The following ARHGAP35 variants were observed in gnomAD, a reference collection of about 807,000 sequenced individuals.
The protein encoded by ARHGAP35 is rho GTPase-activating protein 35.
A neutral mutation model predicts 111.1 loss-of-function variants in ARHGAP35; 15 were observed. The observed-to-expected ratio is 0.13, with a 90% CI of 0.09 to 0.21. ARHGAP35 has a LOEUF of 0.21. ARHGAP35 is among the 10% of genes least tolerant of loss of function. The pLI, the probability that ARHGAP35 is intolerant of heterozygous loss-of-function variation, is 1.00. For synonymous variants in ARHGAP35, 643 were observed against 710.3 expected, an observed-to-expected ratio of 0.91 and a Z score of 1.51; for missense variants, 1,262 against 1,873.0, an observed-to-expected ratio of 0.67 and a Z score of 6.02.
At chr19:46,968,265 G>GTGTTT (rs2056526397) in intron 3 of ARHGAP35, among the ~76,000 whole-genome samples, 1 of 152,250 alleles carries the variant, frequency 6.6e-6, no homozygotes, top group Admixed American at 6.5e-5. Context: ...CAAATGCCCA[G>GTGTTT]TGTTTAGTGT....
intron 2 of ARHGAP35, 51 bp from the exon 3 acceptor site, chr19:46,937,213 C>T (rs186290751): frequency 1.2e-6 from 2 of 1,605,220 alleles, no homozygotes; most frequent in East Asian, 4.5e-5. Context: ...GTTTAAGTTA[C>T]ATGTTGATAC....
intron 2 of ARHGAP35, among the ~76,000 whole-genome samples, chr19:46,932,832 A>G (rs1276431319): frequency 6.6e-6 from 1 of 152,168 alleles, no homozygotes; most frequent in East Asian, 1.9e-4. Context: ...TACCCTCCAC[A>G]TCCACTGTTG....
chr19:46,943,401 G>A (rs1028971605), intron 3 of ARHGAP35, among the ~76,000 whole-genome samples: 1 of 152,162 alleles, frequency 6.6e-6, no homozygotes, highest in African/African-American at 2.4e-5. Context: ...CGTATGAATT[G>A]GGCTTACGGG....
At chr19:46,962,390 T>C (rs1347107502) in intron 3 of ARHGAP35, among the ~76,000 whole-genome samples, 1 of 152,222 alleles carries the variant, frequency 6.6e-6, no homozygotes, top group Admixed American at 6.5e-5. Context: ...AGGCCGTGAA[T>C]GTGTGACAAT....
intron 3 of ARHGAP35, among the ~76,000 whole-genome samples, chr19:46,987,198 CTTTTTTTTTTCTTTTTTTTCTTTTTTTT>C (rs1568488269): frequency 2.2e-5 from 3 of 138,934 alleles, no homozygotes; most frequent in African/African-American, 7.9e-5. Flanking sequence ...CCCTGTATCA[CTTTTTTTTTTCTTTTTTTTCTTTTTTTT>C]TTTTTTTTTT....
chr19:46,879,619 A>AAATAAAT (rs1568459494), intron 1 of ARHGAP35, among the ~76,000 whole-genome samples: 104 of 17,112 alleles, frequency 6.1e-3, no homozygotes, highest in African/African-American at 0.014. Flanking sequence ...AATAAATAAA[A>AAATAAAT]ATAAAAATAC....
chr19:46,956,642 T>A (rs2056440891), intron 3 of ARHGAP35, among the ~76,000 whole-genome samples: 1 of 152,162 alleles, frequency 6.6e-6, no homozygotes, highest in African/African-American at 2.4e-5. Context: ...GAAACACTTC[T>A]GGTCCCAACT....
In ARHGAP35 at chr19:46,922,739, C is replaced by T. The variant is rs2056211105; in HGVS notation, c.3681+383C>T. ...TCTCTCACTGCTAAACATAACATTT[C>T]ATCCATACATCTCTTAAATGATCCT... On this transcript the variant is annotated intron_variant, in intron 2 of 6. Coordinates refer to ENST00000672722, the MANE Select transcript of ARHGAP35 (RefSeq NM_004491.5). The surrounding 1 kb of genome is among the most constrained non-coding windows in gnomAD (Gnocchi z 4.0). Among the ~76,000 whole-genome samples the T allele has an allele frequency of 6.6e-6, 1 of 152,230 alleles. No individual in the cohort carries two copies. The highest frequency in any genetic ancestry group is 2.4e-5 in the African/African-American group (1 of 41,454).
At chr19:46,917,289 A>C (rs2056169670) in intron 1 of ARHGAP35, among the ~76,000 whole-genome samples, 1 of 152,160 alleles carries the variant, frequency 6.6e-6, no homozygotes, top group South Asian at 2.1e-4. Context: ...AGATTCAGCC[A>C]TGTTGTCAGA....
At chr19:46,917,273 C>T (rs756789065) in intron 1 of ARHGAP35, among the ~76,000 whole-genome samples, 3 of 152,158 alleles carry the variant, frequency 2.0e-5, no homozygotes, top group Non-Finnish European at 4.4e-5. Flanking sequence ...TCACTTAGCA[C>T]AATCAAGATT....
intron 3 of ARHGAP35, among the ~76,000 whole-genome samples, chr19:46,977,769 C>T (rs1053002455): frequency 6.6e-6 from 1 of 152,194 alleles, no homozygotes; most frequent in Admixed American, 6.5e-5. Context: ...GGGTGTGAAT[C>T]CCAGCCCTGC....
At chr19:46,954,950 C>CTA (rs1176847082) in intron 3 of ARHGAP35, among the ~76,000 whole-genome samples, 7 of 152,176 alleles carry the variant, frequency 4.6e-5, no homozygotes, top group Non-Finnish European at 1.5e-5. Flanking sequence ...TGGGGCTGGG[C>CTA]TATCTGTGGA....
intron 3 of ARHGAP35, among the ~76,000 whole-genome samples, chr19:46,938,971 G>A (rs2056328165): frequency 6.6e-6 from 1 of 152,102 alleles, no homozygotes; most frequent in Non-Finnish European, 1.5e-5. Flanking sequence ...TAGTTTTTAA[G>A]TTGGAGCCCA....
chr19:46,970,674 G>A (rs2056541804), intron 3 of ARHGAP35, among the ~76,000 whole-genome samples: 1 of 152,164 alleles, frequency 6.6e-6, no homozygotes, highest in Admixed American at 6.6e-5. Flanking sequence ...TCGAGAGCAA[G>A]CCAGGACGAT....
At chr19:46,965,522 T>C (rs895746905) in intron 3 of ARHGAP35, among the ~76,000 whole-genome samples, 3 of 152,124 alleles carry the variant, frequency 2.0e-5, no homozygotes, top group African/African-American at 7.2e-5. Flanking sequence ...TCTCACTTTG[T>C]CACCTAGGCT....
At position 47,001,536 on chromosome 19, in the gene ARHGAP35, C is replaced by G. The variant is rs2056748434; in HGVS notation, c.*848C>G. The G allele has an allele frequency of 1.5e-6, 1 of 652,156 alleles. No individual in the cohort carries two copies. The allele number at this position is 652,156 out of a possible 1,614,324, so 40.4% of individuals were successfully genotyped here. On this transcript the variant is annotated 3_prime_UTR_variant, in exon 7 of 7. Coordinates refer to ENST00000672722, the MANE Select transcript of ARHGAP35 (RefSeq NM_004491.5). The surrounding 1 kb of genome is among the most constrained non-coding windows in gnomAD (Gnocchi z 5.4). The stretch of plus-strand genomic sequence containing the variant: ...CTTTGTGGCAGCAAAACCAGGATGC[C>G]TGGAGCTGTGGCCTGAGGGCCTGCT...
rs1226122072 is a variant in ARHGAP35, at chr19:47,001,374, A to C, written c.*686A>C. 7.8e-7 allele frequency: 1 copy of C among 1,289,938 alleles called. No individual in the cohort carries two copies. Among genetic ancestry groups the C allele is most frequent in the African/African-American group, 1.5e-5 (1 of 65,896 alleles). The allele number at this position is 1,289,938 out of a possible 1,614,324, so 79.9% of individuals were successfully genotyped here. On this transcript the variant is annotated 3_prime_UTR_variant, in exon 7 of 7. Coordinates refer to ENST00000672722, the MANE Select transcript of ARHGAP35 (RefSeq NM_004491.5). This position sits in a 1 kb window ranked among gnomAD's most constrained non-coding sequence, Gnocchi z 5.4. The stretch of plus-strand genomic sequence containing the variant: ...ATTCCCTGGCAAACAAAGGAACACT[A>C]GGAGAAAAAATGGAAAAACCCTTCC...
intron 2 of ARHGAP35, among the ~76,000 whole-genome samples, chr19:46,928,410 C>T (rs2056251099): frequency 6.6e-6 from 1 of 152,138 alleles, no homozygotes; most frequent in African/African-American, 2.4e-5. Context: ...AAAGGCCTTC[C>T]AAATGGATTT....
chr19:46,957,456 A>G (rs575941631), intron 3 of ARHGAP35, among the ~76,000 whole-genome samples: 7 of 151,950 alleles, frequency 4.6e-5, no homozygotes, highest in Non-Finnish European at 1.0e-4. Context: ...TGTACAAAAA[A>G]TAAAAAATTT....
Sources: allele counts gnomAD v4.1 joint callset (sites outside exome capture counted in the v4.1 genomes callset), GRCh38; gene constraint gnomAD v4.1.1; non-coding constraint Gnocchi (gnomAD v3.1); transcripts MANE v1.5; gene names NCBI Gene and HGNC (gene_info 2026-07-23, HGNC 2026-07-21).